The following TMEM67 variants were observed in gnomAD, a reference collection of about 807,000 sequenced individuals.
The protein encoded by TMEM67 is transmembrane protein 67, also known as meckelin.
In TMEM67, 124 loss-of-function variants were observed where a neutral mutation model predicts 136.6. The observed-to-expected ratio is 0.91, with a 90% confidence interval of 0.78 to 1.05. The LOEUF (loss-of-function observed/expected upper bound fraction) is 1.05. Ranked by LOEUF, TMEM67 falls within the 50% of genes least tolerant of loss-of-function variation. TMEM67 has a pLI of 0.00. For synonymous variants in TMEM67, 364 were observed against 390.5 expected, an observed-to-expected ratio of 0.93 and a Z score of 0.80; for missense variants, 1,107 against 1,178.4, an observed-to-expected ratio of 0.94 and a Z score of 0.89.
At chr8:93,807,221 G>A (rs1157975151) in intron 23 of TMEM67, among the ~76,000 whole-genome samples, 1 of 152,062 alleles carries the variant, frequency 6.6e-6, no homozygotes, top group African/African-American at 2.4e-5. Flanking sequence ...AAGTGTTTGG[G>A]CAATGTATAT....
At chr8:93,765,811 A>C (rs1246686812) in intron 6 of TMEM67, among the ~76,000 whole-genome samples, 165 bp downstream of exon 6, 2 of 152,168 alleles carry the variant, frequency 1.3e-5, no homozygotes, top group Admixed American at 6.5e-5. Flanking sequence ...TATAATTTCT[A>C]AGTACAGTAC....
At chr8:93,785,741 C>G (rs1173898813) in intron 12 of TMEM67, 8 of 208,600 alleles carry the variant, frequency 3.8e-5, no homozygotes, top group Admixed American at 3.8e-4. Context: ...AGGTAATTTG[C>G]AGGGGAAAGC....
chr8:93,761,241 G>T (rs1812817345), intron 3 of TMEM67, among the ~76,000 whole-genome samples: 1 of 152,204 alleles, frequency 6.6e-6, no homozygotes, highest in Admixed American at 6.5e-5. Context: ...GGAGGTTACA[G>T]TGAGCCAAGA....
downstream of TMEM67, among the ~76,000 whole-genome samples, chr8:93,818,240 C>T (rs181838848): frequency 9.2e-5 from 14 of 152,286 alleles, no homozygotes; most frequent in Admixed American, 7.8e-4. Flanking sequence ...TATACTTTGA[C>T]TCTTATATCC....
intron 15 of TMEM67, among the ~76,000 whole-genome samples, chr8:93,791,614 G>A (rs1219467424): frequency 1.3e-5 from 2 of 152,098 alleles, no homozygotes; most frequent in Admixed American, 6.6e-5. Context: ...GTTTTACAAT[G>A]TGTGACAGAT....
At chr8:93,828,845 C>A in the TMEM67 span, among the ~76,000 whole-genome samples, 2 of 151,972 alleles carry the variant, frequency 1.3e-5, no homozygotes, top group Non-Finnish European at 2.9e-5. Context: ...GCTAAGAAGG[C>A]AAACAAGACT....
the TMEM67 span, among the ~76,000 whole-genome samples, chr8:93,824,415 G>A: frequency 2.0e-5 from 3 of 152,112 alleles, no homozygotes; most frequent in Admixed American, 6.5e-5. Context: ...ACTCCCGGAG[G>A]GTAAAAGGCT....
chr8:93,793,646 C>T (rs1020362382), intron 16 of TMEM67, among the ~76,000 whole-genome samples: 2 of 152,206 alleles, frequency 1.3e-5, no homozygotes, highest in East Asian at 3.9e-4. Flanking sequence ...ACATTTTAAT[C>T]GTTTGGGTTT....
Position 93,775,120 on chromosome 8 carries a change from T to G in TMEM67, c.714+2469T>G, listed in dbSNP as rs188167173. The stretch of plus-strand genomic sequence containing the variant: ...CTCTGATGACCAGTGATGACGAGCA[T>G]TTTTTCATGTGTCTGTTGGCTGCAT... On this transcript the variant is annotated intron_variant, in intron 7 of 27. Transcript: ENST00000453321. Among the ~76,000 whole-genome samples the G allele has an allele frequency of 4.2e-3, 642 of 152,378 alleles. 4 individuals are homozygous for G. Among genetic ancestry groups the G allele is most frequent in the African/African-American group, 0.015 (622 of 41,594 alleles).
intron 6 of TMEM67, among the ~76,000 whole-genome samples, chr8:93,770,664 C>T (rs1813289942): frequency 6.6e-6 from 1 of 152,128 alleles, no homozygotes; most frequent in South Asian, 2.1e-4. Flanking sequence ...CAGCTCATTG[C>T]ATCACAACAA....
the TMEM67 span, among the ~76,000 whole-genome samples, chr8:93,828,635 G>T: frequency 6.6e-6 from 1 of 151,962 alleles, no homozygotes; most frequent in African/African-American, 2.4e-5. Context: ...AGCTACTCGG[G>T]GGGTGGGGCT....
intron 7 of TMEM67, among the ~76,000 whole-genome samples, chr8:93,775,591 A>G (rs1813504649): frequency 6.6e-6 from 1 of 152,086 alleles, no homozygotes; most frequent in Admixed American, 6.5e-5. Context: ...TTTTCCCAGC[A>G]CCATTTATTA....
At chr8:93,826,876 C>T in the TMEM67 span, among the ~76,000 whole-genome samples, 1 of 152,198 alleles carries the variant, frequency 6.6e-6, no homozygotes, top group Non-Finnish European at 1.5e-5. Context: ...GTCGCCCAAG[C>T]TGGAGTGCAA....
intron 27 of TMEM67, 132 bp from the exon 28 acceptor site, chr8:93,816,240 C>T (rs1452306368): frequency 2.0e-6 from 1 of 495,866 alleles, no homozygotes; most frequent in Non-Finnish European, 3.7e-6. Flanking sequence ...TTATGTATCA[C>T]TATGGGATTC....
At chr8:93,765,756 C>A (rs1008665068) in intron 6 of TMEM67, 110 bp downstream of exon 6, 1 of 773,052 alleles carries the variant, frequency 1.3e-6, no homozygotes, top group Admixed American at 2.1e-5. Context: ...CATTTTAAAA[C>A]AGAAAAAAAT....
intron 11 of TMEM67, among the ~76,000 whole-genome samples, chr8:93,783,916 G>C (rs932448500): frequency 2.6e-5 from 4 of 152,158 alleles, no homozygotes; most frequent in African/African-American, 9.7e-5. Flanking sequence ...GACACATGGG[G>C]ATTATGGGAA....
At chr8:93,797,040 G>C (rs1244928798) in intron 18 of TMEM67, 94 bp from the exon 19 acceptor site, 1 of 769,248 alleles carries the variant, frequency 1.3e-6, no homozygotes, top group African/African-American at 1.7e-5. Flanking sequence ...ATGTTCTTGT[G>C]ATAACAGTAT....
chr8:93,763,558 A>G (rs982691150), intron 3 of TMEM67, among the ~76,000 whole-genome samples: 2 of 152,192 alleles, frequency 1.3e-5, no homozygotes, highest in Non-Finnish European at 2.9e-5. Flanking sequence ...AAAAATACTG[A>G]CTTAATTGTT....
chr8:93,799,895 T>C, intron 21 of TMEM67, 137 bp downstream of exon 21: 2 of 634,806 alleles, frequency 3.2e-6, no homozygotes, highest in Non-Finnish European at 5.3e-6. Context: ...CAATAGCTAA[T>C]GGTCAGTTCT....
Sources: allele counts gnomAD v4.1 joint callset (sites outside exome capture counted in the v4.1 genomes callset), GRCh38; gene constraint gnomAD v4.1.1; transcripts MANE v1.5; gene names NCBI Gene and HGNC (gene_info 2026-07-23, HGNC 2026-07-21).